The following AP2A2 variants were observed in gnomAD, a reference collection of about 807,000 sequenced individuals.
AP2A2 encodes the protein adaptor related protein complex 2 subunit alpha 2, also known as AP-2 complex subunit alpha-2.
Under a neutral mutation model 104.2 loss-of-function variants are expected in AP2A2, and 32 were observed. That is an observed-to-expected ratio of 0.31 (90% confidence interval 0.23 to 0.41). The LOEUF (loss-of-function observed/expected upper bound fraction) is 0.41. Ranked by LOEUF, AP2A2 falls within the 10% of genes least tolerant of loss-of-function variation. AP2A2 has a pLI of 1.00. For synonymous variants in AP2A2, 539 were observed against 533.3 expected (o/e 1.01, Z -0.15); for missense variants, 912 against 1,261.0 (o/e 0.72, Z 4.19).
At chr11:1,005,745 G>T (rs201708286) in intron 16 of AP2A2, among the ~76,000 whole-genome samples, 1 of 152,214 alleles carries the variant, frequency 6.6e-6, no homozygotes, top group East Asian at 1.9e-4. Context: ...ATTCCTGTGG[G>T]AAACGCTGCA....
chr11:926,182 G>A, intron 1 of AP2A2, 94 bp downstream of exon 1: 1 of 907,996 alleles, frequency 1.1e-6, no homozygotes, highest in Middle Eastern at 3.5e-4. Context: ...CGAGGCGGGG[G>A]TGCAGGCTGG....
At chr11:950,820 G>A (rs1188791632) in intron 1 of AP2A2, among the ~76,000 whole-genome samples, 1 of 152,142 alleles carries the variant, frequency 6.6e-6, no homozygotes, top group Non-Finnish European at 1.5e-5. Context: ...GGCTGCGGGT[G>A]TGGTGGCCAT....
intron 1 of AP2A2, chr11:932,604 C>A: frequency 2.3e-6 from 1 of 433,376 alleles, no homozygotes; most frequent in South Asian, 1.7e-5. Context: ...CTTTTGCATG[C>A]TTCTGCATAA....
At chr11:994,698 G>A (rs1412578526) in intron 14 of AP2A2, among the ~76,000 whole-genome samples, 1 of 141,816 alleles carries the variant, frequency 7.1e-6, no homozygotes, top group Admixed American at 6.9e-5. Flanking sequence ...TGTCCCTGCT[G>A]GACGCCCCGT....
At chr11:972,444 CAGGACCGT>C (rs1211811985) in intron 4 of AP2A2, among the ~76,000 whole-genome samples, 189 bp downstream of exon 4, 1 of 152,220 alleles carries the variant, frequency 6.6e-6, no homozygotes, top group Non-Finnish European at 1.5e-5. Context: ...CCTCTAATCC[CAGGACCGT>C]AGGAGGCCAA....
intron 1 of AP2A2, among the ~76,000 whole-genome samples, chr11:951,142 G>A (rs1854038210): frequency 1.3e-5 from 2 of 151,244 alleles, no homozygotes; most frequent in South Asian, 2.1e-4. Flanking sequence ...CTTCCAAATA[G>A]ATTTACGAAT....
intron 2 of AP2A2, among the ~76,000 whole-genome samples, chr11:961,514 C>CAG (rs1161754043): frequency 1.4e-5 from 2 of 143,362 alleles, no homozygotes; most frequent in Admixed American, 7.1e-5. Flanking sequence ...GTGGGTCTGA[C>CAG]AGTCGCCACC....
rs181709276 is a variant in AP2A2, at chr11:976,957, G to A, written c.474-138G>A. The A allele has an allele frequency of 2.1e-4, 248 of 1,178,344 alleles. No homozygotes were observed. In the African/African-American group the frequency reaches 3.5e-3, roughly 16 times the overall value. 73.0% of individuals were successfully genotyped at this position (1,178,344 alleles called of 1,614,324 possible). A position where few individuals can be genotyped will look rare whatever the true frequency, so the allele number is the denominator to read the frequency against. ...CTGCTGCTGCCCCCTAGGCGGCCTC[G>A]GCAGGCGGCCCTGAGTGCTGTCTTG... On this transcript the variant is annotated intron_variant, in intron 4 of 21. Transcript: ENST00000448903.
chr11:959,023 G>A (rs1212663924), intron 1 of AP2A2, among the ~76,000 whole-genome samples: 2 of 152,222 alleles, frequency 1.3e-5, no homozygotes, highest in African/African-American at 4.8e-5. Context: ...TGTGCTTTTG[G>A]CAGTGGAAGT....
At position 967,425 on chromosome 11, in the gene AP2A2, G is replaced by A. The variant is rs568722873; in HGVS notation, c.137-2744G>A. ...CACCCAGGCTGGAGTGCAGTGGCGC[G>A]ATCTCGGCTCACTGCAACCTCTGCC... is the stretch of plus-strand genomic sequence containing the variant. On this transcript the variant is annotated intron_variant, in intron 2 of 21. Coordinates refer to ENST00000448903, the MANE Select transcript of AP2A2 (RefSeq NM_012305.4). 1.5e-4 allele frequency among the ~76,000 whole-genome samples: 23 copies of A among 151,946 alleles called. No homozygotes were observed. The East Asian group carries it at 2.9e-3, about 19-fold the overall frequency.
chr11:997,445 T>C (rs994927132), intron 14 of AP2A2, among the ~76,000 whole-genome samples: 2 of 151,964 alleles, frequency 1.3e-5, no homozygotes, highest in African/African-American at 4.8e-5. Context: ...CTGAGGAGGG[T>C]CTCCCAGGCC....
chr11:939,527 C>A (rs1026959256), intron 1 of AP2A2, among the ~76,000 whole-genome samples: 11 of 151,964 alleles, frequency 7.2e-5, no homozygotes, highest in African/African-American at 2.4e-4. Context: ...TCACTGCAAC[C>A]TCTGCCTCTC....
At chr11:1,000,659 G>C in intron 15 of AP2A2, 61 bp downstream of exon 15, 6 of 1,486,064 alleles carry the variant, frequency 4.0e-6, no homozygotes, top group Non-Finnish European at 4.5e-6. Flanking sequence ...CTGACTTCTG[G>C]TGTGGCCGCG....
chr11:930,631 C>T (rs1055125364), intron 1 of AP2A2, among the ~76,000 whole-genome samples: 1 of 152,136 alleles, frequency 6.6e-6, no homozygotes, highest in African/African-American at 2.4e-5. Context: ...CACCATTCTG[C>T]TGCCTCAGCC....
intron 2 of AP2A2, among the ~76,000 whole-genome samples, chr11:969,257 T>G (rs1391151916): frequency 2.4e-5 from 3 of 124,696 alleles, no homozygotes; most frequent in Non-Finnish European, 4.9e-5. Context: ...TGAGATGGAG[T>G]TTTGCTCTTG....
chr11:990,639 C>T (rs746592244), intron 10 of AP2A2, among the ~76,000 whole-genome samples: 1 of 152,112 alleles, frequency 6.6e-6, no homozygotes, highest in Non-Finnish European at 1.5e-5. Context: ...ATGCTCCCCC[C>T]AGCCCGTCCT....
intron 1 of AP2A2, 26 bp downstream of exon 1, chr11:926,114 CG>C: frequency 2.4e-6 from 3 of 1,240,914 alleles, no homozygotes; most frequent in South Asian, 2.9e-5. Context: ...GGCGTGGGGC[CG>C]GGGCCGGGGC....
At chr11:945,323 G>A (rs1214983468) in intron 1 of AP2A2, among the ~76,000 whole-genome samples, 1 of 152,080 alleles carries the variant, frequency 6.6e-6, no homozygotes. Flanking sequence ...TTAAGCAGGG[G>A]AATGACACTC....
At chr11:969,354 C>G (rs565557312) in intron 2 of AP2A2, among the ~76,000 whole-genome samples, 1 of 151,272 alleles carries the variant, frequency 6.6e-6, no homozygotes, top group African/African-American at 2.4e-5. Flanking sequence ...CTCAGCCTCC[C>G]GAGTAGCTGG....
Sources: allele counts gnomAD v4.1 joint callset (sites outside exome capture counted in the v4.1 genomes callset), GRCh38; gene constraint gnomAD v4.1.1; transcripts MANE v1.5; gene names NCBI Gene and HGNC (gene_info 2026-07-23, HGNC 2026-07-21).